Variants in DTL observed in about 807,000 individuals in gnomAD.
DTL encodes denticleless protein homolog.
A neutral mutation model predicts 87.0 loss-of-function variants in DTL; 46 were observed. That is an observed-to-expected ratio of 0.53 (90% CI 0.42 to 0.68). The LOEUF is 0.68. Among genes scored for constraint, DTL ranks in the 30% least tolerant of loss-of-function variants. DTL has a pLI of 0.00. For missense variants in DTL, 737 were observed against 869.4 expected, an observed-to-expected ratio of 0.85 and a Z score of 1.91; for synonymous variants, 308 against 311.2, an observed-to-expected ratio of 0.99 and a Z score of 0.11.
chr1:212,066,582 T>C (rs1248926357), intron 7 of DTL, among the ~76,000 whole-genome samples: 2 of 152,202 alleles, frequency 1.3e-5, no homozygotes, highest in Non-Finnish European at 2.9e-5. Context: ...AATCTTTTAG[T>C]CACCAGTTTG....
chr1:212,046,896 C>T (rs1276576473), intron 3 of DTL, among the ~76,000 whole-genome samples: 1 of 152,210 alleles, frequency 6.6e-6, no homozygotes, highest in Non-Finnish European at 1.5e-5. Context: ...AATTAATTTA[C>T]ATTCCCACCA....
intron 13 of DTL, among the ~76,000 whole-genome samples, chr1:212,085,985 T>C (rs892244936): frequency 6.6e-6 from 1 of 152,250 alleles, no homozygotes; most frequent in African/African-American, 2.4e-5. Context: ...CATTGATCTA[T>C]GTATCTGTCC....
chr1:212,070,634 C>CTGTGTGTG (rs59056654), intron 10 of DTL, among the ~76,000 whole-genome samples: 3 of 149,146 alleles, frequency 2.0e-5, no homozygotes, highest in Admixed American at 6.7e-5. Flanking sequence ...TGAATGACAA[C>CTGTGTGTG]TGTGTGTGTG....
In DTL at chr1:212,072,122, A is replaced by T; in HGVS notation, c.944A>T (p.Gln315Leu). 6.2e-7 allele frequency: 1 copy of T among 1,614,110 alleles called. No individual in the cohort carries two copies. The highest frequency in any genetic ancestry group is 2.2e-5 in the East Asian group (1 of 44,858). Reference protein sequence around the residue: ...TSPVAIFNGHQNSTFYVKSSL... With the variant: ...TSPVAIFNGHLNSTFYVKSSL... ...GCAGTGGCTATTTTCAATGGACACC[A>T]GAACTCTACCTTTTATGTAAAATCC... The change falls in exon 11 of 15, where the codon CAG (glutamine) becomes CTG (leucine). Residue 315 changes from glutamine (Q) to leucine (L), a missense_variant. By Grantham distance (113) the Gln-to-Leu change is moderately radical. Coordinates refer to ENST00000366991, the MANE Select transcript of DTL (RefSeq NM_016448.4).
chr1:212,100,178 T>C (rs1392728381), intron 13 of DTL, 74 bp from the exon 14 acceptor site: 3 of 1,203,518 alleles, frequency 2.5e-6, no homozygotes, highest in Non-Finnish European at 3.5e-6. Context: ...TTAGCTATGA[T>C]TTTTCTTGAT....
At chr1:212,063,089 C>G in intron 6 of DTL, 140 bp downstream of exon 6, 5 of 661,824 alleles carry the variant, frequency 7.6e-6, no homozygotes. Flanking sequence ...TGTTCCAGAT[C>G]TCAGGATCTT....
intron 13 of DTL, among the ~76,000 whole-genome samples, chr1:212,094,730 T>G (rs1221855445): frequency 6.6e-6 from 1 of 152,226 alleles, no homozygotes; most frequent in Non-Finnish European, 1.5e-5. Context: ...TACCCATCCT[T>G]GAGCGTAGGT....
At chr1:212,051,384 TG>T (rs1168602551) in intron 5 of DTL, 2 of 542,154 alleles carry the variant, frequency 3.7e-6, no homozygotes. Context: ...TTTCTTTACC[TG>T]AAAATGTCCT....
chr1:212,090,642 A>G (rs1034655320), intron 13 of DTL, among the ~76,000 whole-genome samples: 5 of 152,216 alleles, frequency 3.3e-5, no homozygotes, highest in Admixed American at 1.3e-4. Flanking sequence ...TATGTAAACA[A>G]AGGGACAGGT....
At chr1:212,094,631 T>G (rs1265938420) in intron 13 of DTL, among the ~76,000 whole-genome samples, 1 of 152,200 alleles carries the variant, frequency 6.6e-6, no homozygotes, top group Non-Finnish European at 1.5e-5. Context: ...TTTCTAGTTC[T>G]GTGAAGAACG....
intron 13 of DTL, among the ~76,000 whole-genome samples, chr1:212,095,221 C>T (rs1012733520): frequency 6.6e-6 from 1 of 152,132 alleles, no homozygotes; most frequent in Non-Finnish European, 1.5e-5. Context: ...ATAACGTTGG[C>T]TGTGGGTTTG....
At chr1:212,058,036 C>A (rs76393269) in intron 5 of DTL, among the ~76,000 whole-genome samples, 3,992 of 152,152 alleles carry the variant, frequency 0.026, 59 homozygotes, top group African/African-American at 0.047. Context: ...CAATTGTAAA[C>A]ATGTATATAC....
At position 212,100,509 on chromosome 1, in the gene DTL, C is replaced by T; in HGVS notation, c.1519C>T (p.Arg507Ter). 5 of 1,613,904 alleles carry T rather than the reference C, an allele frequency of 3.1e-6. No individual in the cohort carries two copies. Among genetic ancestry groups the T allele is most frequent in the Non-Finnish European group, 3.4e-6 (4 of 1,179,980 alleles). ...FKMSIRNWVT[R>*]TPSSSPPITP... The stretch of plus-strand genomic sequence containing the variant: ...GATGTCGATTAGAAACTGGGTGACC[C>T]GAACACCTTCCTCATCACCACCCAT... The change falls in exon 14 of 15, where the codon CGA becomes TGA. Residue 507 changes from arginine to a stop codon, truncating the protein, a stop_gained. Coordinates refer to ENST00000366991, the MANE Select transcript of DTL (RefSeq NM_016448.4). LOFTEE classifies it high-confidence loss of function.
intron 3 of DTL, among the ~76,000 whole-genome samples, chr1:212,045,596 T>C (rs1003962181): frequency 6.6e-6 from 1 of 152,058 alleles, no homozygotes; most frequent in African/African-American, 2.4e-5. Context: ...GAAAACACAC[T>C]GGTGTCAAAG....
intron 5 of DTL, among the ~76,000 whole-genome samples, chr1:212,050,170 CAAAAT>C (rs1558072993): frequency 3.3e-5 from 5 of 152,146 alleles, no homozygotes; most frequent in Admixed American, 2.0e-4. Flanking sequence ...GACCCAGTCT[CAAAAT>C]AAATTAATTA....
intron 13 of DTL, among the ~76,000 whole-genome samples, chr1:212,088,359 TTAA>T (rs757331891): frequency 9.2e-5 from 14 of 152,192 alleles, no homozygotes; most frequent in Non-Finnish European, 1.6e-4. Context: ...CAAACATTGT[TTAA>T]TAATTCCTTA....
chr1:212,062,206 C>T (rs1010293440), intron 5 of DTL, among the ~76,000 whole-genome samples: 1 of 152,188 alleles, frequency 6.6e-6, no homozygotes, highest in Admixed American at 6.5e-5. Flanking sequence ...TGTTTTATCC[C>T]ATGTACAACT....
At chr1:212,062,829 A>G (rs1654373483) in intron 5 of DTL, 55 bp from the exon 6 acceptor site, 1 of 1,396,586 alleles carries the variant, frequency 7.2e-7, no homozygotes, top group Non-Finnish European at 1.0e-6. Flanking sequence ...ACTGAAATAT[A>G]TGTGTCATTG....
chr1:212,053,471 G>T (rs1474465673), intron 5 of DTL, among the ~76,000 whole-genome samples: 1 of 152,090 alleles, frequency 6.6e-6, no homozygotes, highest in Non-Finnish European at 1.5e-5. Flanking sequence ...GGGATTACAG[G>T]CATGAGCCAC....
Sources: allele counts gnomAD v4.1 joint callset (sites outside exome capture counted in the v4.1 genomes callset), GRCh38; gene constraint gnomAD v4.1.1; transcripts MANE v1.5; gene names NCBI Gene and HGNC (gene_info 2026-07-23, HGNC 2026-07-21).